The following LRP5 variants were observed in gnomAD, a reference collection of about 807,000 sequenced individuals.
The protein encoded by LRP5 is low-density lipoprotein receptor-related protein 5.
LRP5 carries 62 observed loss-of-function variants against 154.1 expected under a neutral mutation model. The ratio of observed to expected loss-of-function variants is 0.40; its 90% CI spans 0.33 to 0.50. The LOEUF (loss-of-function observed/expected upper bound fraction) is 0.50, where lower values mean the gene tolerates loss of function less well. LRP5 is among the 20% of genes least tolerant of loss of function. The pLI, the probability that LRP5 is intolerant of heterozygous loss-of-function variation, is 0.55. For missense variants in LRP5, 1,915 were observed against 2,336.7 expected, an observed-to-expected ratio of 0.82 and a Z score of 3.72; for synonymous variants, 966 against 1,011.5, an observed-to-expected ratio of 0.96 and a Z score of 0.85.
At chr11:68,395,823 T>C (rs1386000347) in intron 7 of LRP5, among the ~76,000 whole-genome samples, 1 of 152,170 alleles carries the variant, frequency 6.6e-6, no homozygotes, top group East Asian at 1.9e-4. Context: ...TGTTTTCTGC[T>C]GGAGTTTGGT....
chr11:68,327,839 C>T lies in LRP5; in HGVS notation c.91+15034C>T, dbSNP rs542778796. On this transcript the variant is annotated intron_variant, in intron 1 of 22. Transcript: ENST00000294304. ...GCACCTGCCTGCAGAGCCCCTCGCA[C>T]GCTGTCAGTCCACAATGAATGCTTG... Among the ~76,000 whole-genome samples, 25 of 152,318 alleles carry T rather than the reference C, an allele frequency of 1.6e-4. No individual in the cohort carries two copies. The South Asian group carries it at 1.7e-3, about 10-fold the overall frequency.
intron 2 of LRP5, among the ~76,000 whole-genome samples, chr11:68,355,273 G>C (rs548883477): frequency 3.6e-4 from 55 of 152,168 alleles, no homozygotes; most frequent in Admixed American, 5.9e-4. Context: ...CTCATGCCTG[G>C]CTTGGGCGAG....
At chr11:68,299,864 C>G in the LRP5 span, among the ~76,000 whole-genome samples, 1 of 148,392 alleles carries the variant, frequency 6.7e-6, no homozygotes, top group Non-Finnish European at 1.5e-5. Context: ...ATTGCAGGCG[C>G]GAGCCATCGC....
In LRP5 at chr11:68,423,485, A is replaced by G; in HGVS notation, c.3028-4A>G. ...TCAGGAGTCTTGGTTTCTTTGTCTT[A>G]CAGCCCTTTGTTTTGACCTCTCTGA... On this transcript the variant is annotated splice_polypyrimidine_tract_variant and splice_region_variant and intron_variant, in intron 13 of 22. Coordinates refer to ENST00000294304, the MANE Select transcript of LRP5 (RefSeq NM_002335.4). This position sits in a 1 kb window ranked among gnomAD's most constrained non-coding sequence, Gnocchi z 4.7. 1 of 1,613,916 alleles carries G rather than the reference A, an allele frequency of 6.2e-7. No homozygotes were observed. Among genetic ancestry groups the G allele is most frequent in the Non-Finnish European group, 8.5e-7 (1 of 1,179,822 alleles).
intron 2 of LRP5, among the ~76,000 whole-genome samples, chr11:68,350,922 A>G (rs115444154): frequency 0.047 from 7,156 of 152,138 alleles, 564 homozygotes; most frequent in African/African-American, 0.16. Context: ...GTGCACGCAT[A>G]TGCGTGCATA....
Position 68,403,506 on chromosome 11 carries a change from G to A in LRP5, c.1608G>A (p.Lys536=), listed in dbSNP as rs150209973. 23 of 1,614,034 alleles carry A rather than the reference G, an allele frequency of 1.4e-5. No individual in the cohort carries two copies. Among genetic ancestry groups the A allele is most frequent in the Non-Finnish European group, 1.9e-5 (22 of 1,180,044 alleles). ...AGGTGATCAATGTTGATGGGACGAA[G>A]AGGCGGACCCTCCTGGAGGACAAGC... is the stretch of plus-strand genomic sequence containing the variant. The part of the protein sequence containing the change: ...KIEVINVDGT[K]RRTLLEDKLP... The change falls in exon 8 of 23, where the codon AAG becomes AAA. Residue 536 remains lysine, a synonymous_variant. Coordinates refer to ENST00000294304, the MANE Select transcript of LRP5 (RefSeq NM_002335.4).
intron 3 of LRP5, among the ~76,000 whole-genome samples, chr11:68,363,301 G>A (rs2098629050): frequency 6.6e-6 from 1 of 152,178 alleles, no homozygotes; most frequent in African/African-American, 2.4e-5. Context: ...GTGCACGCCG[G>A]GAGAAATGTA....
At chr11:68,323,941 C>G (rs2098598205) in intron 1 of LRP5, among the ~76,000 whole-genome samples, 1 of 152,224 alleles carries the variant, frequency 6.6e-6, no homozygotes, top group Non-Finnish European at 1.5e-5. Context: ...CGCCTGCTCC[C>G]TTGGGACACT....
intron 21 of LRP5, among the ~76,000 whole-genome samples, chr11:68,440,978 G>A (rs2098677901): frequency 6.6e-6 from 1 of 152,156 alleles, no homozygotes; most frequent in Non-Finnish European, 1.5e-5. Context: ...ATGTTGGTCA[G>A]GCTGATCTTG....
upstream of LRP5, among the ~76,000 whole-genome samples, chr11:68,308,361 T>A (rs372425682): frequency 6.6e-6 from 1 of 152,180 alleles, no homozygotes; most frequent in African/African-American, 2.4e-5. Flanking sequence ...TGAAACGACA[T>A]CCTCATGGGC....
intron 2 of LRP5, among the ~76,000 whole-genome samples, chr11:68,355,548 T>G (rs751500707): frequency 3.3e-5 from 5 of 152,182 alleles, no homozygotes; most frequent in Non-Finnish European, 7.4e-5. Context: ...GGTTCCCCTC[T>G]GGTCTCCGCT....
At chr11:68,446,022 G>T (rs1188420102) in intron 21 of LRP5, among the ~76,000 whole-genome samples, 1 of 152,224 alleles carries the variant, frequency 6.6e-6, no homozygotes, top group Non-Finnish European at 1.5e-5. Flanking sequence ...CAGAAGGAGA[G>T]TTCCTGGGAA....
At chr11:68,352,642 G>A (rs2098619686) in intron 2 of LRP5, among the ~76,000 whole-genome samples, 1 of 151,878 alleles carries the variant, frequency 6.6e-6, no homozygotes, top group Non-Finnish European at 1.5e-5. Context: ...TTGTTAGGAG[G>A]TGCTTGGCGC....
At chr11:68,438,403 T>G (rs1241205135) in intron 19 of LRP5, 43 bp from the exon 20 acceptor site, 16 of 1,553,830 alleles carry the variant, frequency 1.0e-5, no homozygotes, top group Admixed American at 1.7e-5. Context: ...GCCCATTCCG[T>G]TGGGGTTAAT....
chr11:68,355,925 C>A (rs548494161), intron 2 of LRP5, among the ~76,000 whole-genome samples: 1 of 151,874 alleles, frequency 6.6e-6, no homozygotes, highest in African/African-American at 2.4e-5. Flanking sequence ...CTGCAAGCTC[C>A]GCCTCCCGGG....
At chr11:68,300,746 C>G in the LRP5 span, among the ~76,000 whole-genome samples, 1 of 149,622 alleles carries the variant, frequency 6.7e-6, no homozygotes, top group African/African-American at 2.4e-5. Context: ...TCCAGCACAG[C>G]ACCTCAAGCA....
At chr11:68,424,085 C>T (rs111377670) in intron 14 of LRP5, among the ~76,000 whole-genome samples, 3 of 152,298 alleles carry the variant, frequency 2.0e-5, no homozygotes, top group African/African-American at 4.8e-5. Flanking sequence ...CAGAGGCCCC[C>T]GACGCTCCCA....
Position 68,436,899 on chromosome 11 carries a change from G to A in LRP5, c.4011G>A (p.Leu1337=), listed in dbSNP as rs764105501. The A allele has an allele frequency of 3.7e-6, 6 of 1,613,598 alleles. No individual in the cohort carries two copies. In the East Asian group the frequency reaches 1.3e-4, roughly 36 times the overall value. ...SDEADCDAIC[L]PNQFRCASGQ... The stretch of plus-strand genomic sequence containing the variant: ...GGCCTCTCCTTGCAGCCATCTGCCT[G>A]CCCAACCAGTTCCGGTGTGCGAGCG... Residue 1337 remains leucine, a synonymous_variant, in exon 19 of 23, where the codon CTG becomes CTA. Transcript: ENST00000294304.
Position 68,446,080 on chromosome 11 carries a change from A to G in LRP5, c.4489-356A>G, listed in dbSNP as rs113566556. 5.9e-5 allele frequency among the ~76,000 whole-genome samples: 9 copies of G among 152,334 alleles called. 2 individuals carry two copies. The highest frequency in any genetic ancestry group is 2.2e-4 in the African/African-American group (9 of 41,580). On this transcript the variant is annotated intron_variant, in intron 21 of 22. Coordinates refer to ENST00000294304, the MANE Select transcript of LRP5 (RefSeq NM_002335.4). Reference sequence around the variant, plus strand: ...GTGCTAACTGGTGTGGAGGACACTCAGGGCCTGTGGGGACATCTCCTACTG... The same window carrying G: ...GTGCTAACTGGTGTGGAGGACACTCGGGGCCTGTGGGGACATCTCCTACTG...
Sources: allele counts gnomAD v4.1 joint callset (sites outside exome capture counted in the v4.1 genomes callset), GRCh38; gene constraint gnomAD v4.1.1; non-coding constraint Gnocchi (gnomAD v3.1); transcripts MANE v1.5; gene names NCBI Gene and HGNC (gene_info 2026-07-23, HGNC 2026-07-21).